MAGI1: variants seen among roughly 807,000 people sequenced by gnomAD.
MAGI1 encodes the protein membrane associated guanylate kinase, WW and PDZ domain containing 1.
A neutral mutation model predicts 139.9 loss-of-function variants in MAGI1; 58 were observed. The observed-to-expected ratio is 0.41, with a 90% confidence interval of 0.34 to 0.52. The LOEUF is 0.52. Among genes scored for constraint, MAGI1 ranks in the 20% least tolerant of loss-of-function variants. MAGI1 has a pLI of 0.12. For missense variants in MAGI1, 1,874 were observed against 1,901.6 expected, an observed-to-expected ratio of 0.99 and a Z score of 0.27; for synonymous variants, 812 against 737.9, an observed-to-expected ratio of 1.10 and a Z score of -1.63.
intron 1 of MAGI1, among the ~76,000 whole-genome samples, chr3:65,949,538 AGTATAATATTC>A (rs1404274144): frequency 6.6e-6 from 1 of 152,236 alleles, no homozygotes. Flanking sequence ...GCCCTAGCAC[AGTATAATATTC>A]AACATGTCCA....
chr3:65,880,567 C>A (rs557143020), intron 1 of MAGI1, among the ~76,000 whole-genome samples: 3 of 152,230 alleles, frequency 2.0e-5, no homozygotes, highest in Admixed American at 1.3e-4. Flanking sequence ...AAACAAATAT[C>A]TTTATGACAG....
At position 65,643,680 on chromosome 3, in the gene MAGI1, C is replaced by CAACAACAAA. The variant is rs1553684993; in HGVS notation, c.314-21593_314-21592insTTTGTTGTT. ...AGGAAAACAACAACAACAACAACAA[C>CAACAACAAA]AAAGCCTGTTCTCTCTAGCTAAAGA... On this transcript the variant is annotated intron_variant, in intron 1 of 22. Coordinates refer to ENST00000402939, the MANE Select transcript of MAGI1 (RefSeq NM_001033057.2). Among the ~76,000 whole-genome samples, 9 of 149,252 alleles carry CAACAACAAA rather than the reference C, an allele frequency of 6.0e-5. 1 individual carries two copies. The highest frequency in any genetic ancestry group is 4.5e-5 in the Non-Finnish European group (3 of 67,008).
rs753011416 is a variant in MAGI1, at chr3:65,478,684, G to T, written c.665C>A (p.Thr222Asn). 6.2e-7 allele frequency: 1 copy of T among 1,614,036 alleles called. No homozygotes were observed. The highest frequency in any genetic ancestry group is 1.1e-5 in the South Asian group (1 of 91,080). ...ATTTTGCATATCATTGTAGGACTTG[G>T]TTCGCTTCGGGGTCGACTGCTTAGA... ...SGSKQSTPKR[T>N]KSYNDMQNAG... Residue 222 changes from threonine (T) to asparagine (N), a missense_variant, in exon 4 of 23, where the codon ACC becomes AAC. By Grantham distance (65) the Thr-to-Asn change is moderately conservative. Transcript: ENST00000402939.
chr3:65,511,189 G>T (rs1386325252), intron 2 of MAGI1, among the ~76,000 whole-genome samples: 1 of 150,572 alleles, frequency 6.6e-6, no homozygotes, highest in Non-Finnish European at 1.5e-5. Context: ...GGTACCAGCT[G>T]CTGCAAAATC....
At chr3:65,694,630 C>T (rs546758578) in intron 1 of MAGI1, among the ~76,000 whole-genome samples, 1 of 152,294 alleles carries the variant, frequency 6.6e-6, no homozygotes, top group East Asian at 1.9e-4. Flanking sequence ...AAGCCTTCGG[C>T]TCATTCCCAG....
intron 13 of MAGI1, 102 bp from the exon 14 acceptor site, chr3:65,391,460 A>G: frequency 1.1e-6 from 1 of 876,040 alleles, no homozygotes; most frequent in Non-Finnish European, 1.8e-6. Context: ...TTTTGCATAC[A>G]CATACATATC....
intron 1 of MAGI1, among the ~76,000 whole-genome samples, chr3:65,950,548 G>A (rs1219992515): frequency 6.6e-6 from 1 of 151,976 alleles, no homozygotes; most frequent in Non-Finnish European, 1.5e-5. Context: ...AACACTACAG[G>A]AGAAAAACAA....
intron 1 of MAGI1, among the ~76,000 whole-genome samples, chr3:65,665,933 C>T (rs1275916973): frequency 6.6e-6 from 1 of 152,180 alleles, no homozygotes; most frequent in African/African-American, 2.4e-5. Flanking sequence ...GAGCGCCTTA[C>T]AGTTACAGAG....
At chr3:65,696,807 G>C (rs970663577) in intron 1 of MAGI1, among the ~76,000 whole-genome samples, 1 of 152,094 alleles carries the variant, frequency 6.6e-6, no homozygotes, top group African/African-American at 2.4e-5. Flanking sequence ...TAAAGGAGTG[G>C]TTCTCATAAT....
intron 1 of MAGI1, chr3:65,718,537 T>C (rs1252302282): frequency 6.6e-6 from 1 of 152,174 alleles, no homozygotes; most frequent in African/African-American, 2.4e-5. Context: ...CGGTTCACTT[T>C]AGTTACATAC....
At chr3:65,437,113 T>G in intron 10 of MAGI1, 42 bp downstream of exon 10, 7 of 1,381,880 alleles carry the variant, frequency 5.1e-6, no homozygotes, top group Non-Finnish European at 6.0e-6. Flanking sequence ...AATTAGATTT[T>G]GAGCTAAAAC....
chr3:65,730,303 A>T (rs2107728578), intron 1 of MAGI1, among the ~76,000 whole-genome samples: 1 of 152,336 alleles, frequency 6.6e-6, no homozygotes, highest in African/African-American at 2.4e-5. Context: ...CTATAAAAAA[A>T]AATGGCTTCC....
intron 1 of MAGI1, among the ~76,000 whole-genome samples, chr3:65,765,358 T>C (rs551455333): frequency 6.6e-6 from 1 of 152,314 alleles, no homozygotes; most frequent in African/African-American, 2.4e-5. Flanking sequence ...AGGCCAAGCA[T>C]TTGGTTGTGG....
At chr3:65,512,940 T>A (rs1291315446) in intron 2 of MAGI1, among the ~76,000 whole-genome samples, 6 of 144,652 alleles carry the variant, frequency 4.1e-5, no homozygotes, top group African/African-American at 1.3e-4. Flanking sequence ...CAGCAGCACA[T>A]CAAAAAGCTT....
At chr3:65,582,324 G>C (rs1424884571) in intron 2 of MAGI1, among the ~76,000 whole-genome samples, 6 of 152,168 alleles carry the variant, frequency 3.9e-5, no homozygotes, top group Admixed American at 3.3e-4. Context: ...CCAGCACATA[G>C]GAAGAGCACC....
At chr3:65,933,257 G>A (rs1338418773) in intron 1 of MAGI1, among the ~76,000 whole-genome samples, 1 of 152,162 alleles carries the variant, frequency 6.6e-6, no homozygotes, top group Non-Finnish European at 1.5e-5. Flanking sequence ...TACAAGTAAG[G>A]AACAGTTTAG....
intron 1 of MAGI1, among the ~76,000 whole-genome samples, chr3:65,789,960 G>T (rs578170848): frequency 6.6e-6 from 1 of 152,270 alleles, no homozygotes; most frequent in African/African-American, 2.4e-5. Context: ...CTTGCCCAGA[G>T]TGCTCAGGAT....
intron 2 of MAGI1, among the ~76,000 whole-genome samples, chr3:65,539,373 G>C (rs2079104605): frequency 6.6e-6 from 1 of 151,766 alleles, no homozygotes; most frequent in Non-Finnish European, 1.5e-5. Context: ...CTGTCAAACA[G>C]ACACATACCA....
At chr3:65,410,902 T>C (rs1322141311) in intron 12 of MAGI1, among the ~76,000 whole-genome samples, 1 of 152,216 alleles carries the variant, frequency 6.6e-6, no homozygotes, top group Non-Finnish European at 1.5e-5. Context: ...AGGAGCTTTT[T>C]CTAGCTTGCA....
Sources: allele counts gnomAD v4.1 joint callset (sites outside exome capture counted in the v4.1 genomes callset), GRCh38; gene constraint gnomAD v4.1.1; transcripts MANE v1.5; gene names NCBI Gene and HGNC (gene_info 2026-07-23, HGNC 2026-07-21).